The following KIR3DL1 variants were observed in gnomAD, a reference collection of about 807,000 sequenced individuals.
KIR3DL1 encodes killer cell immunoglobulin like receptor, three Ig domains and long cytoplasmic tail 1, also known as killer cell immunoglobulin-like receptor 3DL1.
KIR3DL1 carries 50 observed loss-of-function variants against 40.3 expected under a neutral mutation model. That is an observed-to-expected ratio of 1.24 (90% confidence interval 0.99 to 1.57). The LOEUF (loss-of-function observed/expected upper bound fraction) is 1.57. Ranked by LOEUF, KIR3DL1 falls within the 40% of genes most tolerant of loss-of-function variation. The probability of loss-of-function intolerance (pLI) is 0.00; values close to 1 mark genes in which losing one functional copy is unlikely to be tolerated. For missense variants in KIR3DL1, 661 were observed against 559.9 expected, an observed-to-expected ratio of 1.18 and a Z score of -1.82; for synonymous variants, 257 against 207.2, an observed-to-expected ratio of 1.24 and a Z score of -2.07.
At chr19:54,817,694 C>T in intron 2 of KIR3DL1, 125 bp downstream of exon 2, 1 of 783,746 alleles carries the variant, frequency 1.3e-6, no homozygotes, top group Admixed American at 2.4e-5. Flanking sequence ...GATGCTCGGC[C>T]CACATTTCTG....
At chr19:54,819,916 C>A (rs374985414) in exon 4 of KIR3DL1, 4 of 1,612,160 alleles carry the variant, frequency 2.5e-6, no homozygotes, top group Non-Finnish European at 3.4e-6. Context: ...TCCCATGATG[C>A]TTGCCCTTGC....
Position 54,822,644 on chromosome 19 carries a change from T to C in KIR3DL1, c.949+786T>C, listed in dbSNP as rs1263717113. Among the ~76,000 whole-genome samples the C allele has an allele frequency of 4.6e-5, 7 of 150,778 alleles. 1 individual carries two copies. Among genetic ancestry groups the C allele is most frequent in the Non-Finnish European group, 8.8e-5 (6 of 67,824 alleles). The stretch of plus-strand genomic sequence containing the variant: ...CTCTGTTTCTAAATAAATAAATACA[T>C]CTATATTCTTTTTTTTGTTACCCTC... On this transcript the variant is annotated intron_variant, in intron 5 of 8. Coordinates refer to ENST00000391728, the Ensembl canonical transcript of KIR3DL1.
intron 1 of KIR3DL1, 34 bp from the exon 2 acceptor site, chr19:54,817,500 C>T (rs1443247203): frequency 1.4e-6 from 2 of 1,474,894 alleles, no homozygotes; most frequent in African/African-American, 1.6e-5. Context: ...GGTTTGCCTG[C>T]AGAGGGATGG....
intron 5 of KIR3DL1, among the ~76,000 whole-genome samples, chr19:54,823,450 T>G (rs963833420): frequency 4.7e-5 from 7 of 147,948 alleles, no homozygotes; most frequent in African/African-American, 1.2e-4. Flanking sequence ...TGCCAGCATT[T>G]GTTTTGCCTG....
At chr19:54,816,817 C>A in intron 1 of KIR3DL1, among the ~76,000 whole-genome samples, 1 of 80,022 alleles carries the variant, frequency 1.2e-5, no homozygotes, top group Non-Finnish European at 2.2e-5. Context: ...GAGATATGGG[C>A]CTGGAGGGGA....
intron 3 of KIR3DL1, 149 bp from the exon 4 acceptor site, chr19:54,819,564 C>G (rs887309701): frequency 2.1e-5 from 20 of 936,302 alleles, no homozygotes; most frequent in Non-Finnish European, 2.8e-5. Context: ...GAGGCACCTG[C>G]ACCAGGGGAT....
At chr19:54,820,649 G>A (rs57311277) in intron 4 of KIR3DL1, among the ~76,000 whole-genome samples, 43,207 of 150,720 alleles carry the variant, frequency 0.29, 7,507 homozygotes, top group East Asian at 0.5. Context: ...ACACCAAAAA[G>A]CAAAGACATA....
chr19:54,830,509 A>G (rs2062173239), exon 9 of KIR3DL1: 1 of 556,958 alleles, frequency 1.8e-6, no homozygotes, highest in South Asian at 2.3e-5. Flanking sequence ...ACAGTTCTCC[A>G]TTTCACTTGA....
chr19:54,816,682 G>C (rs1378811150), intron 1 of KIR3DL1, 148 bp downstream of exon 1: 2 of 1,336,986 alleles, frequency 1.5e-6, no homozygotes, highest in Non-Finnish European at 2.1e-6. Context: ...TGGAGATCTG[G>C]GCCTGGAGTG....
chr19:54,816,798 C>G (rs2061360437), intron 1 of KIR3DL1, among the ~76,000 whole-genome samples: 1 of 80,036 alleles, frequency 1.2e-5, no homozygotes, highest in African/African-American at 7.0e-5. Flanking sequence ...GAGAGATGGG[C>G]CTGGAGGGGA....
intron 3 of KIR3DL1, 130 bp downstream of exon 3, chr19:54,818,729 G>GTCAGGGTCCCATCACCCAGGCCCTGACT: frequency 1.6e-6 from 2 of 1,216,664 alleles, no homozygotes; most frequent in Non-Finnish European, 2.3e-6. Flanking sequence ...ATTGAATACA[G>GTCAGGGTCCCATCACCCAGGCCCTGACT]GGGAAATGGG....
chr19:54,824,340 G>A (rs773717738), intron 5 of KIR3DL1, among the ~76,000 whole-genome samples: 29 of 151,556 alleles, frequency 1.9e-4, no homozygotes, highest in Non-Finnish European at 3.8e-4. Flanking sequence ...TTATTGAAAA[G>A]ACTGTCCTTT....
At chr19:54,819,969 T>C (rs2061553743) in exon 4 of KIR3DL1, 1 of 1,611,340 alleles carries the variant, frequency 6.2e-7, no homozygotes, top group Non-Finnish European at 8.5e-7. Context: ...ACACCCCCTA[T>C]CAGTTGTCAG....
chr19:54,826,410 A>G (rs1316475388), intron 6 of KIR3DL1, among the ~76,000 whole-genome samples: 1 of 148,270 alleles, frequency 6.7e-6, no homozygotes, highest in African/African-American at 2.6e-5. Flanking sequence ...CGTCTCCTGG[A>G]TCCAAGTGAT....
At chr19:54,830,436 T>G (rs2062167746) in exon 9 of KIR3DL1, 2 of 893,750 alleles carry the variant, frequency 2.2e-6, no homozygotes. Context: ...GCCTCTCTCT[T>G]GCTTACAAAT....
At chr19:54,818,568 A>T in exon 3 of KIR3DL1, 1 of 1,611,272 alleles carries the variant, frequency 6.2e-7, no homozygotes, top group Non-Finnish European at 8.5e-7. Context: ...GGTGGTCGGC[A>T]CCCAGCAACC....
At chr19:54,829,256 G>T (rs202227755) in intron 6 of KIR3DL1, 105 bp from the exon 7 acceptor site, 11,916 of 878,894 alleles carry the variant, frequency 0.014, 889 homozygotes, top group Admixed American at 0.027. Flanking sequence ...GTGCTTGTCC[G>T]AAAGAGATGC....
intron 3 of KIR3DL1, 79 bp downstream of exon 3, chr19:54,818,678 T>A (rs1317941921): frequency 2.7e-5 from 41 of 1,535,824 alleles, no homozygotes; most frequent in South Asian, 4.9e-5. Context: ...TCCGTCAGGG[T>A]CCCATCACCC....
At chr19:54,822,969 C>T (rs1265664177) in intron 5 of KIR3DL1, among the ~76,000 whole-genome samples, 4 of 149,198 alleles carry the variant, frequency 2.7e-5, no homozygotes, top group Non-Finnish European at 5.9e-5. Flanking sequence ...CTTCGATACA[C>T]TGATGTCCTT....
Sources: allele counts gnomAD v4.1 joint callset (sites outside exome capture counted in the v4.1 genomes callset), GRCh38; gene constraint gnomAD v4.1.1; transcripts MANE v1.5; gene names NCBI Gene and HGNC (gene_info 2026-07-23, HGNC 2026-07-21).